The following RASL12 variants were observed in gnomAD, a reference collection of about 807,000 sequenced individuals.
The protein encoded by RASL12 is ras-like protein family member 12.
Under a neutral mutation model 22.9 loss-of-function variants are expected in RASL12, and 16 were observed. That is an observed-to-expected ratio of 0.70 (90% CI 0.47 to 1.06). RASL12 has a LOEUF of 1.06. Ranked by LOEUF, RASL12 falls within the 50% of genes least tolerant of loss-of-function variation. The pLI is 0.00. For missense variants in RASL12, 306 were observed against 353.1 expected (o/e 0.87, Z 1.07); for synonymous variants, 159 against 152.2 (o/e 1.04, Z -0.33).
At chr15:65,055,851 A>C (rs752079263) in intron 4 of RASL12, among the ~76,000 whole-genome samples, 25 of 152,146 alleles carry the variant, frequency 1.6e-4, no homozygotes, top group Non-Finnish European at 2.9e-4. Context: ...CACAATGACA[A>C]AGTTGCAGAT....
chr15:65,057,799 C>T (rs565165371), intron 4 of RASL12, among the ~76,000 whole-genome samples: 62 of 152,214 alleles, frequency 4.1e-4, no homozygotes, highest in African/African-American at 1.4e-3. Context: ...GGAGTGAGAT[C>T]GGAAGGTCAG....
At chr15:65,046,492 C>T in the RASL12 span, among the ~76,000 whole-genome samples, 1 of 151,848 alleles carries the variant, frequency 6.6e-6, no homozygotes, top group South Asian at 2.1e-4. Flanking sequence ...AGAAATATGT[C>T]GCTTGTTTCT....
chr15:65,060,697 TCA>T (rs143817580), intron 2 of RASL12, among the ~76,000 whole-genome samples: 3,324 of 152,266 alleles, frequency 0.022, 112 homozygotes, highest in African/African-American at 0.074. Flanking sequence ...CCTAAAGAAG[TCA>T]CCTTTTGGCA....
chr15:65,068,325 T>C, upstream of RASL12: 3 of 982,238 alleles, frequency 3.1e-6, no homozygotes, highest in Non-Finnish European at 3.6e-6. This position sits in a 1 kb window ranked among gnomAD's most constrained non-coding sequence, Gnocchi z 4.2. Flanking sequence ...CTCCCTTTGT[T>C]CTACCAAGCC....
chr15:65,058,347 C>G lies in RASL12; in HGVS notation c.425+80G>C, dbSNP rs1339871717. On this transcript the variant is annotated intron_variant, in intron 4 of 4. Transcript: ENST00000220062. Reference sequence around the variant, plus strand: ...GGGGATGACTGTTCTTAGCAGCCCACTAATCCCTCAAGATGCCACCTGACC... The same window carrying G: ...GGGGATGACTGTTCTTAGCAGCCCAGTAATCCCTCAAGATGCCACCTGACC... 4 of 1,200,584 alleles carry G rather than the reference C, an allele frequency of 3.3e-6. No individual in the cohort carries two copies. The Admixed American group carries it at 8.9e-5, about 27-fold the overall frequency. The allele number at this position is 1,200,584 out of a possible 1,614,324, so 74.4% of individuals were successfully genotyped here.
At chr15:65,053,098 A>G (rs768878212), downstream of RASL12, 2 of 1,614,152 alleles carry the variant, frequency 1.2e-6, no homozygotes, top group East Asian at 2.2e-5. Flanking sequence ...CCCAGGTGGA[A>G]CTTGAGTTAA....
chr15:65,066,193 AAG>A (rs1233591307), intron 1 of RASL12, among the ~76,000 whole-genome samples: 3 of 151,766 alleles, frequency 2.0e-5, no homozygotes, highest in African/African-American at 7.3e-5. Flanking sequence ...GGAAAAGAGA[AAG>A]AGAAAAAGGA....
downstream of RASL12, among the ~76,000 whole-genome samples, chr15:65,050,810 C>CTTT (rs111590431): frequency 7.8e-6 from 1 of 127,794 alleles, no homozygotes; most frequent in East Asian, 2.2e-4. Flanking sequence ...TCTTTCTTTC[C>CTTT]TTTTTTTTTC....
chr15:65,075,148 A>G (rs1017034684), intron 1 of RASL12, among the ~76,000 whole-genome samples: 4 of 152,348 alleles, frequency 2.6e-5, no homozygotes, highest in Middle Eastern at 3.4e-3. Context: ...GCCCCGGGCA[A>G]TGAGGGACTT....
Position 65,053,370 on chromosome 15 carries a change from C to T in RASL12, c.*1529G>A, listed in dbSNP as rs960770461. 3 of 1,395,254 alleles carry T rather than the reference C, an allele frequency of 2.2e-6. No individual in the cohort carries two copies. Among genetic ancestry groups the T allele is most frequent in the East Asian group, 2.7e-5 (1 of 36,680 alleles). 86.4% of individuals were successfully genotyped at this position (1,395,254 alleles called of 1,614,324 possible). ...TTAAAAAAAATCTTTTATTAAAATG[C>T]TCCTGGAAGGGAGCAGGTGGTATTG... On this transcript the variant is annotated 3_prime_UTR_variant, in exon 5 of 5. Transcript: ENST00000220062.
At chr15:65,046,008 A>C in the RASL12 span, among the ~76,000 whole-genome samples, 126 of 152,322 alleles carry the variant, frequency 8.3e-4, no homozygotes, top group African/African-American at 2.8e-3. Flanking sequence ...TCTACTAAAA[A>C]TACAAAATTG....
At chr15:65,072,176 T>C (rs1418320741), upstream of RASL12, among the ~76,000 whole-genome samples, 1 of 152,174 alleles carries the variant, frequency 6.6e-6, no homozygotes, top group East Asian at 1.9e-4. Context: ...GCAGAGGGCC[T>C]GGGATAGTAT....
chr15:65,074,165 AC>A (rs2140539619), intron 1 of RASL12, among the ~76,000 whole-genome samples: 1 of 152,194 alleles, frequency 6.6e-6, no homozygotes, highest in Admixed American at 6.5e-5. Flanking sequence ...CTGGTCCTGT[AC>A]CCCAGCCTGG....
At chr15:65,050,271 C>T (rs1290374455), downstream of RASL12, among the ~76,000 whole-genome samples, 1 of 152,192 alleles carries the variant, frequency 6.6e-6, no homozygotes, top group Non-Finnish European at 1.5e-5. Flanking sequence ...GGCTGGACCG[C>T]CCCTTCCTTT....
rs760357949 is a variant in RASL12 at position 65,055,229 on chromosome 15, C to A, written c.471G>T (p.Gly157=). The A allele has an allele frequency of 6.2e-7, 1 of 1,602,634 alleles. No individual in the cohort carries two copies. The highest frequency in any genetic ancestry group is 8.5e-7 in the Non-Finnish European group (1 of 1,174,624). ...AEGVALAGRF[G]CLFFEVSACL... ...AGGCAGAGACCTCGAAAAACAGGCA[C>A]CCAAACCTGCCTGCCAAAGCCACAC... is the stretch of plus-strand genomic sequence containing the variant. Residue 157 remains glycine, a synonymous_variant, in exon 5 of 5, where the codon GGG becomes GGT. Coordinates refer to ENST00000220062, the MANE Select transcript of RASL12 (RefSeq NM_016563.4).
chr15:65,060,888 C>T (rs2086795076), intron 2 of RASL12, among the ~76,000 whole-genome samples: 1 of 152,238 alleles, frequency 6.6e-6, no homozygotes, highest in Admixed American at 6.5e-5. Context: ...TTGTCCCCAG[C>T]CTGCTTTGGG....
At position 65,054,666 on chromosome 15, in the gene RASL12, C is replaced by T. The variant is rs1269590108; in HGVS notation, c.*233G>A. The T allele has an allele frequency of 7.2e-7, 1 of 1,381,264 alleles. No individual in the cohort carries two copies. Among genetic ancestry groups the T allele is most frequent in the East Asian group, 2.6e-5 (1 of 38,712 alleles). 85.6% of individuals were successfully genotyped at this position (1,381,264 alleles called of 1,614,324 possible). ...CTGGGTTGTCACAGTGGCTGTTTCC[C>T]TCTACGGCCACAGACGCGGTGGTTA... On this transcript the variant is annotated 3_prime_UTR_variant, in exon 5 of 5. Coordinates refer to ENST00000220062, the MANE Select transcript of RASL12 (RefSeq NM_016563.4).
chr15:65,067,445 G>A (rs1052638015), intron 1 of RASL12, among the ~76,000 whole-genome samples: 9 of 152,034 alleles, frequency 5.9e-5, no homozygotes, highest in African/African-American at 2.2e-4. Context: ...GGGAGAGACA[G>A]CAGGGGTCAC....
chr15:65,047,826 T>TAGAC, the RASL12 span, among the ~76,000 whole-genome samples: 1 of 151,172 alleles, frequency 6.6e-6, no homozygotes, highest in African/African-American at 2.4e-5. Context: ...GATAGATAGA[T>TAGAC]AGATAGATAG....
Sources: allele counts gnomAD v4.1 joint callset (sites outside exome capture counted in the v4.1 genomes callset), GRCh38; gene constraint gnomAD v4.1.1; non-coding constraint Gnocchi (gnomAD v3.1); transcripts MANE v1.5; gene names NCBI Gene and HGNC (gene_info 2026-07-23, HGNC 2026-07-21).